RAD51B: variants seen among roughly 807,000 people sequenced by gnomAD.
RAD51B encodes the protein RAD51 paralog B, also known as DNA repair protein RAD51 homolog 2.
Under a neutral mutation model 42.2 loss-of-function variants are expected in RAD51B, and 38 were observed. The observed-to-expected ratio is 0.90, with a 90% CI of 0.70 to 1.18. The LOEUF is 1.18. RAD51B is among the 50% of genes most tolerant of loss of function. The pLI is 0.00. For synonymous variants in RAD51B, 154 were observed against 145.2 expected, an observed-to-expected ratio of 1.06 and a Z score of -0.43; for missense variants, 373 against 400.7, an observed-to-expected ratio of 0.93 and a Z score of 0.59.
chr14:68,510,424 C>G (rs868029789), intron 10 of RAD51B, among the ~76,000 whole-genome samples: 2 of 152,166 alleles, frequency 1.3e-5, no homozygotes, highest in African/African-American at 4.8e-5. Flanking sequence ...ACTTTGGATT[C>G]TCTTCCTGAA....
intron 7 of RAD51B, among the ~76,000 whole-genome samples, chr14:68,141,154 G>T (rs1366375407): frequency 6.6e-6 from 1 of 152,114 alleles, no homozygotes; most frequent in African/African-American, 2.4e-5. Context: ...TTGCAGGAAT[G>T]CAGAACAGTG....
At chr14:68,018,611 C>T (rs895914445) in intron 7 of RAD51B, among the ~76,000 whole-genome samples, 1 of 152,126 alleles carries the variant, frequency 6.6e-6, no homozygotes, top group Admixed American at 6.6e-5. Flanking sequence ...TCTTAGTATT[C>T]CTTTTCTACC....
intron 10 of RAD51B, among the ~76,000 whole-genome samples, chr14:68,633,431 G>A (rs1282265915): frequency 3.3e-5 from 5 of 152,026 alleles, no homozygotes; most frequent in Admixed American, 3.3e-4. Context: ...CTCCCCCACT[G>A]CATTCGCATT....
chr14:68,251,866 A>C (rs900312386), intron 7 of RAD51B, among the ~76,000 whole-genome samples: 1 of 152,358 alleles, frequency 6.6e-6, no homozygotes, highest in South Asian at 2.1e-4. Context: ...CAGGAAAAAA[A>C]CACCAGTGTC....
downstream of RAD51B, among the ~76,000 whole-genome samples, chr14:68,482,367 T>A (rs1644182694): frequency 6.6e-6 from 1 of 152,190 alleles, no homozygotes; most frequent in African/African-American, 2.4e-5. Flanking sequence ...CTGTGCATAA[T>A]GTCTTTTAGG....
chr14:68,531,509 T>G (rs1887303963), intron 10 of RAD51B, among the ~76,000 whole-genome samples: 1 of 152,154 alleles, frequency 6.6e-6, no homozygotes, highest in Admixed American at 6.5e-5. Context: ...GATAGAGAGA[T>G]ATATAATGAT....
chr14:67,997,159 T>C (rs79376228), intron 7 of RAD51B, among the ~76,000 whole-genome samples: 53 of 152,222 alleles, frequency 3.5e-4, no homozygotes, highest in African/African-American at 9.9e-4. Flanking sequence ...CAGAATTTCA[T>C]TGGAAGTTAA....
At chr14:68,673,709 TAC>T (rs999150651) in intron 11 of RAD51B, among the ~76,000 whole-genome samples, 6 of 149,718 alleles carry the variant, frequency 4.0e-5, no homozygotes, top group Non-Finnish European at 5.9e-5. Flanking sequence ...ACACATACTG[TAC>T]ACACATCTAT....
chr14:68,062,568 C>T (rs941806732), intron 7 of RAD51B, among the ~76,000 whole-genome samples: 3 of 151,686 alleles, frequency 2.0e-5, no homozygotes, highest in African/African-American at 7.3e-5. Context: ...GTGAGGCAGG[C>T]GGATCACTTG....
At chr14:68,401,419 C>T (rs2084100747) in intron 8 of RAD51B, among the ~76,000 whole-genome samples, 1 of 152,146 alleles carries the variant, frequency 6.6e-6, no homozygotes, top group Non-Finnish European at 1.5e-5. Flanking sequence ...AGTCTCTAGC[C>T]TAGTGGATGG....
rs1372566157 is a variant in RAD51B, at chr14:68,291,868, C to G, written c.757-16C>G. On this transcript the variant is annotated splice_polypyrimidine_tract_variant and intron_variant, in intron 7 of 10. Coordinates refer to ENST00000471583, the MANE Select transcript of RAD51B (RefSeq NM_133510.4). The stretch of plus-strand genomic sequence containing the variant: ...TTCTCCCTTGCCCCCTACCCCTTCT[C>G]CCTGTCTGTTCACAGGTTATCTTGA... The G allele has an allele frequency of 1.3e-6, 2 of 1,596,668 alleles. No individual in the cohort carries two copies. Among genetic ancestry groups the G allele is most frequent in the African/African-American group, 1.3e-5 (1 of 74,398 alleles).
chr14:68,481,118 A>G (rs371126477), downstream of RAD51B, among the ~76,000 whole-genome samples: 15 of 152,140 alleles, frequency 9.9e-5, no homozygotes, highest in African/African-American at 3.6e-4. Context: ...AGGTAAATGT[A>G]TATGTTTTTC....
intron 7 of RAD51B, among the ~76,000 whole-genome samples, chr14:68,168,395 C>T (rs967389087): frequency 2.6e-5 from 4 of 152,090 alleles, no homozygotes; most frequent in African/African-American, 4.8e-5. Context: ...AAGCAGTTTT[C>T]TCGTTTACCA....
At chr14:68,474,981 T>C (rs927400624) in intron 10 of RAD51B, among the ~76,000 whole-genome samples, 1 of 152,176 alleles carries the variant, frequency 6.6e-6, no homozygotes, top group African/African-American at 2.4e-5. Context: ...GGCCATTGAC[T>C]TTTTGCTCTG....
chr14:68,275,623 GT>G (rs1369340625), intron 7 of RAD51B, among the ~76,000 whole-genome samples: 1 of 152,080 alleles, frequency 6.6e-6, no homozygotes, highest in African/African-American at 2.4e-5. Context: ...GGACTTTTTG[GT>G]TGCTGTTTTG....
Position 68,514,593 on chromosome 14 carries a change from T to G in RAD51B, c.1036+46343T>G, listed in dbSNP as rs544660583. On this transcript the variant is annotated intron_variant, in intron 10 of 10. Coordinates refer to the RAD51B transcript ENST00000487270. ...GCTCCCAGGCAGCCCTTCTAGTATC[T>G]CAGCCTCGAATCAGTCTTCCATTTT... Among the ~76,000 whole-genome samples the G allele has an allele frequency of 4.6e-5, 7 of 152,126 alleles. No homozygotes were observed. The South Asian group carries it at 1.4e-3, about 31-fold the overall frequency.
At chr14:67,878,756 G>A (rs867219095) in intron 5 of RAD51B, among the ~76,000 whole-genome samples, 2 of 152,148 alleles carry the variant, frequency 1.3e-5, no homozygotes, top group African/African-American at 2.4e-5. Context: ...CTTGAGTGCA[G>A]TGGTGTGATC....
rs193282780 is a variant in RAD51B, at chr14:67,920,925, G to C, written c.756+33721G>C. ...AATATGTAGTAAGAAGAAAGAAATG[G>C]AGATAGAGAACATTTGAGGAAATGG... On this transcript the variant is annotated intron_variant, in intron 7 of 10. Coordinates refer to ENST00000471583, the MANE Select transcript of RAD51B (RefSeq NM_133510.4). Among the ~76,000 whole-genome samples the C allele has an allele frequency of 3.3e-4, 51 of 152,318 alleles. 1 individual carries two copies. The highest frequency in any genetic ancestry group is 5.6e-4 in the Non-Finnish European group (38 of 68,030).
chr14:68,233,847 G>A (rs371361832), intron 7 of RAD51B, among the ~76,000 whole-genome samples: 1 of 152,198 alleles, frequency 6.6e-6, no homozygotes, highest in Non-Finnish European at 1.5e-5. Context: ...ATGAATTGTA[G>A]TAGAAAATGA....
Sources: gnomAD v4.1 joint callset for allele counts (sites outside exome capture counted in the v4.1 genomes callset) on GRCh38, gnomAD v4.1.1 for gene constraint, MANE v1.5 for transcripts, NCBI Gene and HGNC (gene_info 2026-07-23, HGNC 2026-07-21) for gene names.